TMTC1: variants seen among roughly 807,000 people sequenced by gnomAD.
TMTC1 encodes protein O-mannosyl-transferase TMTC1.
TMTC1 carries 73 observed loss-of-function variants against 104.8 expected under a neutral mutation model. The ratio of observed to expected loss-of-function variants is 0.70; its 90% CI spans 0.58 to 0.85. The LOEUF is 0.85. TMTC1 is among the 40% of genes least tolerant of loss of function. The probability of loss-of-function intolerance (pLI) is 0.00; values close to 1 mark genes in which losing one functional copy is unlikely to be tolerated. For missense variants in TMTC1, 1,035 were observed against 1,096.1 expected (o/e 0.94, Z 0.79); for synonymous variants, 434 against 428.7 (o/e 1.01, Z -0.15).
At chr12:29,610,070 C>T (rs1476247653) in intron 6 of TMTC1, 1 of 152,294 alleles carries the variant, frequency 6.6e-6, no homozygotes, top group Admixed American at 6.5e-5. Flanking sequence ...CTACCCACAT[C>T]ACCGGAAATG....
rs372383833 is a variant in TMTC1, at chr12:29,520,591, G to A, written c.1888+27C>T. ...TAAATTGTATTAGCTAATCTCAGCA[G>A]TACAGTTTCTCTTTAATTTCACTTA... On this transcript the variant is annotated intron_variant, in intron 12 of 17. Transcript: ENST00000539277. The A allele has an allele frequency of 3.2e-6, 5 of 1,551,370 alleles. No individual in the cohort carries two copies. The Admixed American group carries it at 5.2e-5, about 16-fold the overall frequency.
chr12:29,631,772 C>T (rs1260731662), intron 6 of TMTC1, among the ~76,000 whole-genome samples: 1 of 152,158 alleles, frequency 6.6e-6, no homozygotes, highest in Non-Finnish European at 1.5e-5. Flanking sequence ...TAGACTCAAA[C>T]TGGAAAATCT....
At chr12:29,732,283 G>C (rs1275249073) in intron 5 of TMTC1, among the ~76,000 whole-genome samples, 1 of 152,228 alleles carries the variant, frequency 6.6e-6, no homozygotes, top group Admixed American at 6.5e-5. Context: ...AAGTTACTGA[G>C]TGAGTGGAAA....
intron 1 of TMTC1, among the ~76,000 whole-genome samples, chr12:29,777,525 T>C (rs1171235170): frequency 6.6e-5 from 10 of 152,180 alleles, no homozygotes; most frequent in Admixed American, 4.6e-4. Context: ...TTTCCAAGCC[T>C]TGATTCAGGG....
chr12:29,742,468 T>C (rs960935870), intron 5 of TMTC1, among the ~76,000 whole-genome samples: 1 of 152,178 alleles, frequency 6.6e-6, no homozygotes, highest in East Asian at 1.9e-4. Flanking sequence ...TATAAAGTTA[T>C]AAACATCATG....
At chr12:29,636,370 G>A (rs1170443650) in intron 5 of TMTC1, among the ~76,000 whole-genome samples, 2 of 152,210 alleles carry the variant, frequency 1.3e-5, no homozygotes, top group African/African-American at 4.8e-5. Flanking sequence ...CTGCTATGCA[G>A]AATGTATTAT....
rs114731969 is a variant in TMTC1, at chr12:29,570,216, A to G, written c.1532+1889T>C. On this transcript the variant is annotated intron_variant, in intron 9 of 17. Coordinates refer to ENST00000539277, the MANE Select transcript of TMTC1 (RefSeq NM_001193451.2). ...TAAAGCCCAAGTATACTTTATATGT[A>G]CCCTTGAAGGAATATGCCTTTTAAA... Among the ~76,000 whole-genome samples, 670 of 152,130 alleles carry G rather than the reference A, an allele frequency of 4.4e-3. 6 individuals carry two copies. Among genetic ancestry groups the G allele is most frequent in the African/African-American group, 0.015 (637 of 41,544 alleles).
chr12:29,655,817 T>C (rs1173635906), intron 5 of TMTC1, among the ~76,000 whole-genome samples: 1 of 152,140 alleles, frequency 6.6e-6, no homozygotes, highest in African/African-American at 2.4e-5. Context: ...TTTTAAAAAT[T>C]ACATGTAATT....
intron 9 of TMTC1, among the ~76,000 whole-genome samples, chr12:29,569,425 C>A (rs1945606733): frequency 6.6e-6 from 1 of 152,132 alleles, no homozygotes; most frequent in Non-Finnish European, 1.5e-5. Context: ...ATAATAGCGC[C>A]TTTAACATTG....
chr12:29,593,153 C>T (rs893537694), intron 7 of TMTC1, among the ~76,000 whole-genome samples: 14 of 152,174 alleles, frequency 9.2e-5, no homozygotes, highest in Non-Finnish European at 1.5e-4. Context: ...CTCTGCCATC[C>T]GTGAGTTCTG....
chr12:29,618,879 T>C (rs529785261), intron 6 of TMTC1, among the ~76,000 whole-genome samples: 1 of 152,362 alleles, frequency 6.6e-6, no homozygotes, highest in South Asian at 2.1e-4. Context: ...TACAAAAATA[T>C]CTTCTGACAT....
rs527801349 is a variant in TMTC1 at position 29,649,418 on chromosome 12, T to C, written c.939-16082A>G. Reference sequence around the variant, plus strand: ...ATACAGTCATTCAGATTTCAAGCTATGAGAAACTAAAGGAGAGAGGAGGTA... The same window carrying C: ...ATACAGTCATTCAGATTTCAAGCTACGAGAAACTAAAGGAGAGAGGAGGTA... On this transcript the variant is annotated intron_variant, in intron 5 of 17. Transcript: ENST00000539277. Among the ~76,000 whole-genome samples, 6 of 152,278 alleles carry C rather than the reference T, an allele frequency of 3.9e-5. No homozygotes were observed. In the East Asian group the frequency reaches 1.2e-3, roughly 29 times the overall value.
At chr12:29,529,707 C>T (rs1944446771) in intron 11 of TMTC1, among the ~76,000 whole-genome samples, 1 of 152,124 alleles carries the variant, frequency 6.6e-6, no homozygotes, top group Non-Finnish European at 1.5e-5. Flanking sequence ...GTTCCTCCAC[C>T]CATATGTCAT....
intron 5 of TMTC1, among the ~76,000 whole-genome samples, chr12:29,715,685 A>T (rs2136860119): frequency 6.6e-6 from 1 of 152,290 alleles, no homozygotes; most frequent in East Asian, 1.9e-4. Context: ...GTAATTTATA[A>T]AGAAAAGAGG....
intron 5 of TMTC1, among the ~76,000 whole-genome samples, chr12:29,743,833 T>C (rs1290707282): frequency 1.3e-5 from 2 of 152,180 alleles, no homozygotes; most frequent in African/African-American, 4.8e-5. Flanking sequence ...TGGTTGATAG[T>C]AGCATGAACT....
chr12:29,537,879 C>T (rs1270676545), intron 10 of TMTC1, among the ~76,000 whole-genome samples: 1 of 152,200 alleles, frequency 6.6e-6, no homozygotes, highest in Non-Finnish European at 1.5e-5. Context: ...GCAATTTCAA[C>T]TATCATAGAC....
intron 5 of TMTC1, among the ~76,000 whole-genome samples, chr12:29,701,074 C>T (rs1448514197): frequency 2.7e-5 from 4 of 149,648 alleles, no homozygotes; most frequent in Non-Finnish European, 5.9e-5. Flanking sequence ...TCTCACTGCT[C>T]TGCTGACTGA....
In TMTC1 at chr12:29,751,662, G is replaced by A. The variant is rs1943092836; in HGVS notation, c.938+4C>T. 6.2e-7 allele frequency: 1 copy of A among 1,614,094 alleles called. No homozygotes were observed. The highest frequency in any genetic ancestry group is 1.7e-5 in the Admixed American group (1 of 60,028). On this transcript the variant is annotated splice_donor_region_variant and intron_variant, in intron 5 of 17. Transcript: ENST00000539277. Reference sequence around the variant, plus strand: ...TGCAGGGACCAAGAAACCCAGCCCAGTACCTCATCATGGACCACACAGCTC... The same window carrying A: ...TGCAGGGACCAAGAAACCCAGCCCAATACCTCATCATGGACCACACAGCTC...
At chr12:29,557,893 T>C (rs1318808555) in intron 9 of TMTC1, among the ~76,000 whole-genome samples, 1 of 152,150 alleles carries the variant, frequency 6.6e-6, no homozygotes, top group Non-Finnish European at 1.5e-5. Flanking sequence ...TCCCCCCTCC[T>C]ACTGCAGTTT....
Sources: allele counts gnomAD v4.1 joint callset (sites outside exome capture counted in the v4.1 genomes callset), GRCh38; gene constraint gnomAD v4.1.1; transcripts MANE v1.5; gene names NCBI Gene and HGNC (gene_info 2026-07-23, HGNC 2026-07-21).